The following CDK6 variants were observed in gnomAD, a reference collection of about 807,000 sequenced individuals.
CDK6 encodes the protein cyclin dependent kinase 6.
Under a neutral mutation model 37.1 loss-of-function variants are expected in CDK6, and 6 were observed. The ratio of observed to expected loss-of-function variants is 0.16; its 90% confidence interval spans 0.09 to 0.32. The LOEUF is 0.32. CDK6 is among the 10% of genes least tolerant of loss of function. The probability of loss-of-function intolerance (pLI) is 1.00; values close to 1 mark genes in which losing one functional copy is unlikely to be tolerated. For synonymous variants in CDK6, 160 were observed against 161.3 expected, an observed-to-expected ratio of 0.99 and a Z score of 0.06; for missense variants, 224 against 418.9, an observed-to-expected ratio of 0.53 and a Z score of 4.06.
intron 3 of CDK6, among the ~76,000 whole-genome samples, chr7:92,767,191 C>T (rs1159150616): frequency 6.6e-6 from 1 of 152,192 alleles, no homozygotes; most frequent in Non-Finnish European, 1.5e-5. Flanking sequence ...GATACATACA[C>T]ATGCATAATT....
At chr7:92,635,724 C>T (rs939240674) in intron 5 of CDK6, among the ~76,000 whole-genome samples, 8 of 152,094 alleles carry the variant, frequency 5.3e-5, no homozygotes, top group Non-Finnish European at 1.2e-4. Flanking sequence ...AAATTCAATG[C>T]TGTTATTTTG....
chr7:92,650,314 A>T (rs1796543708), intron 5 of CDK6, among the ~76,000 whole-genome samples: 1 of 152,236 alleles, frequency 6.6e-6, no homozygotes. Context: ...TTTGGCCTTC[A>T]GATTTGGTGC....
chr7:92,756,352 G>A (rs555719217), intron 3 of CDK6, among the ~76,000 whole-genome samples: 52 of 152,316 alleles, frequency 3.4e-4, no homozygotes, highest in Non-Finnish European at 6.9e-4. Context: ...CCTCAATTTT[G>A]TGGCTGGGCA....
intron 4 of CDK6, among the ~76,000 whole-genome samples, chr7:92,684,132 C>T (rs1264041232): frequency 1.3e-5 from 2 of 152,118 alleles, no homozygotes; most frequent in Non-Finnish European, 2.9e-5. Flanking sequence ...AGGCGAGTAT[C>T]AACGACTCTA....
At chr7:92,745,916 G>T in intron 3 of CDK6, among the ~76,000 whole-genome samples, 1 of 152,052 alleles carries the variant, frequency 6.6e-6, no homozygotes, top group East Asian at 1.9e-4. Flanking sequence ...CCTAATCTTA[G>T]TCTCTTCCAA....
intron 4 of CDK6, among the ~76,000 whole-genome samples, chr7:92,697,443 T>C (rs1192039469): frequency 1.3e-5 from 2 of 152,208 alleles, no homozygotes; most frequent in African/African-American, 4.8e-5. Flanking sequence ...ACATAAAAAC[T>C]TGTGAGATAG....
rs149824103 is a variant in CDK6 at position 92,661,625 on chromosome 7, A to G, written c.647+9801T>C. Among the ~76,000 whole-genome samples the G allele has an allele frequency of 5.7e-3, 864 of 152,332 alleles. 13 individuals carry two copies. The highest frequency in any genetic ancestry group is 6.4e-3 in the Non-Finnish European group (434 of 68,034). The stretch of plus-strand genomic sequence containing the variant: ...ACTATTCATTAAGAGGAAGTGGATC[A>G]TCATAAGGGTTTTCATCTTTCTCAT... On this transcript the variant is annotated intron_variant, in intron 5 of 7. Coordinates refer to ENST00000424848, the MANE Select transcript of CDK6 (RefSeq NM_001145306.2).
intron 5 of CDK6, among the ~76,000 whole-genome samples, chr7:92,656,078 G>A (rs1449389899): frequency 6.6e-6 from 1 of 152,142 alleles, no homozygotes; most frequent in Non-Finnish European, 1.5e-5. Flanking sequence ...GGTTAAAGTG[G>A]GAGGGAGAGA....
chr7:92,749,642 T>C (rs531264937), intron 3 of CDK6, among the ~76,000 whole-genome samples: 1 of 152,228 alleles, frequency 6.6e-6, no homozygotes, highest in Non-Finnish European at 1.5e-5. Context: ...TTATATCTCA[T>C]AGGGAACTTC....
At chr7:92,807,982 A>G (rs140554433) in intron 2 of CDK6, among the ~76,000 whole-genome samples, 1 of 152,272 alleles carries the variant, frequency 6.6e-6, no homozygotes, top group Non-Finnish European at 1.5e-5. Flanking sequence ...ATCCTTTGAA[A>G]AGGGGACTCA....
At chr7:92,788,823 A>G (rs189163242) in intron 2 of CDK6, among the ~76,000 whole-genome samples, 1 of 152,186 alleles carries the variant, frequency 6.6e-6, no homozygotes, top group Non-Finnish European at 1.5e-5. Flanking sequence ...GCAATTTGGA[A>G]GTGCTGGAAG....
chr7:92,826,148 C>T (rs965072033), intron 2 of CDK6, among the ~76,000 whole-genome samples: 2 of 152,034 alleles, frequency 1.3e-5, no homozygotes, highest in African/African-American at 2.4e-5. Context: ...TCACTTGTTA[C>T]GTATTCACCT....
At chr7:92,817,696 G>T (rs902663101) in intron 2 of CDK6, among the ~76,000 whole-genome samples, 1 of 151,540 alleles carries the variant, frequency 6.6e-6, no homozygotes, top group East Asian at 1.9e-4. Context: ...ATATATATAG[G>T]GGGGAAAGTA....
intron 2 of CDK6, among the ~76,000 whole-genome samples, chr7:92,820,485 T>G (rs1042857585): frequency 2.0e-5 from 3 of 152,074 alleles, no homozygotes; most frequent in African/African-American, 7.2e-5. Context: ...AAATAAACAA[T>G]TTTAGCAAAG....
chr7:92,699,725 T>C (rs1797800012), intron 4 of CDK6, among the ~76,000 whole-genome samples: 1 of 152,226 alleles, frequency 6.6e-6, no homozygotes, highest in African/African-American at 2.4e-5. Context: ...GATGATGAAG[T>C]CATCATATCT....
chr7:92,611,151 T>C lies in CDK6; in HGVS notation c.*3989A>G, dbSNP rs1795554286. ...TTTTCTCCAGAATTTCCTTTATCTA[T>C]TGCCCACTGTTTTATGAATAATTTT... On this transcript the variant is annotated 3_prime_UTR_variant, in exon 8 of 8. Coordinates refer to ENST00000424848, the MANE Select transcript of CDK6 (RefSeq NM_001145306.2). 2 of 226,904 alleles carry C rather than the reference T, an allele frequency of 8.8e-6. No individual in the cohort carries two copies. The highest frequency in any genetic ancestry group is 3.6e-4 in the South Asian group (2 of 5,482). 14.1% of individuals were successfully genotyped at this position (226,904 alleles called of 1,614,324 possible).
chr7:92,703,665 T>C (rs1333812122), intron 4 of CDK6, among the ~76,000 whole-genome samples: 1 of 152,250 alleles, frequency 6.6e-6, no homozygotes, highest in Non-Finnish European at 1.5e-5. Flanking sequence ...GTAAGATGAA[T>C]GAAGACTTAG....
At chr7:92,751,925 T>C (rs1799199629) in intron 3 of CDK6, among the ~76,000 whole-genome samples, 1 of 152,118 alleles carries the variant, frequency 6.6e-6, no homozygotes. Flanking sequence ...GGCACGGAAA[T>C]GCTAAAACAT....
At chr7:92,693,906 C>G (rs1797650323) in intron 4 of CDK6, among the ~76,000 whole-genome samples, 1 of 152,162 alleles carries the variant, frequency 6.6e-6, no homozygotes. Context: ...TGTCAGTTAC[C>G]AGGTACCCTT....
Sources: gnomAD v4.1 joint callset for allele counts (sites outside exome capture counted in the v4.1 genomes callset) on GRCh38, gnomAD v4.1.1 for gene constraint, MANE v1.5 for transcripts, NCBI Gene and HGNC (gene_info 2026-07-23, HGNC 2026-07-21) for gene names.